The following NTN1 variants were observed in gnomAD, a reference collection of about 807,000 sequenced individuals.
NTN1 encodes netrin-1.
Under a neutral mutation model 54.2 loss-of-function variants are expected in NTN1, and 11 were observed. The ratio of observed to expected loss-of-function variants is 0.20; its 90% CI spans 0.13 to 0.34. NTN1 has a LOEUF of 0.34. Ranked by LOEUF, NTN1 falls within the 10% of genes least tolerant of loss-of-function variation. NTN1 has a pLI of 1.00. For synonymous variants in NTN1, 371 were observed against 382.0 expected (o/e 0.97, Z 0.33); for missense variants, 740 against 893.1 (o/e 0.83, Z 2.18).
chr17:9,089,756 G>A (rs766240630), intron 2 of NTN1, among the ~76,000 whole-genome samples: 5 of 152,130 alleles, frequency 3.3e-5, no homozygotes, highest in Non-Finnish European at 5.9e-5. Context: ...AAAGCTTTTC[G>A]TTCGCAGCCG....
chr17:9,214,766 G>T (rs966770685), intron 5 of NTN1, among the ~76,000 whole-genome samples: 3 of 152,194 alleles, frequency 2.0e-5, no homozygotes, highest in African/African-American at 7.2e-5. Context: ...AGGCTGCAGT[G>T]AGCTGAGATC....
chr17:9,235,435 A>C (rs1199532928), intron 6 of NTN1, among the ~76,000 whole-genome samples: 2 of 151,310 alleles, frequency 1.3e-5, no homozygotes, highest in Non-Finnish European at 2.9e-5. Flanking sequence ...ACATCAATGC[A>C]GGGACAGTGG....
chr17:9,134,984 C>T (rs886904726), intron 2 of NTN1, among the ~76,000 whole-genome samples: 22 of 152,282 alleles, frequency 1.4e-4, no homozygotes, highest in African/African-American at 5.3e-4. Context: ...CCAGGGGGTG[C>T]TGCCTCCTGA....
chr17:9,202,803 AAC>A (rs1323891359), intron 5 of NTN1, among the ~76,000 whole-genome samples: 1 of 152,262 alleles, frequency 6.6e-6, no homozygotes, highest in African/African-American at 2.4e-5. Context: ...GTGCTGTCTG[AAC>A]AGTCATAGTT....
intron 2 of NTN1, among the ~76,000 whole-genome samples, chr17:9,028,383 C>T (rs2091878077): frequency 6.6e-6 from 1 of 152,108 alleles, no homozygotes; most frequent in South Asian, 2.1e-4. Flanking sequence ...CTCATTAGCA[C>T]CTGGTGATCA....
intron 2 of NTN1, among the ~76,000 whole-genome samples, chr17:9,074,999 G>T (rs1221775259): frequency 6.6e-6 from 1 of 152,232 alleles, no homozygotes; most frequent in Non-Finnish European, 1.5e-5. Flanking sequence ...ATGCTAGCTT[G>T]TTAGAAAGTC....
chr17:9,140,162 T>C (rs182868317), intron 2 of NTN1, among the ~76,000 whole-genome samples: 2,427 of 152,248 alleles, frequency 0.016, 69 homozygotes, highest in African/African-American at 0.054. Flanking sequence ...CACTCCTTGT[T>C]AGATTGTCTA....
chr17:9,214,706 C>G (rs1008690381), intron 5 of NTN1, among the ~76,000 whole-genome samples: 54 of 152,198 alleles, frequency 3.5e-4, no homozygotes, highest in Non-Finnish European at 7.3e-5. Context: ...CCTGTAGTCC[C>G]AGCTACTCAG....
intron 2 of NTN1, among the ~76,000 whole-genome samples, chr17:9,089,659 C>G (rs1275276916): frequency 6.6e-6 from 1 of 152,098 alleles, no homozygotes; most frequent in African/African-American, 2.4e-5. Context: ...CCCCTGCCTG[C>G]AAAAACCACC....
At chr17:9,126,692 A>G (rs922317637) in intron 2 of NTN1, among the ~76,000 whole-genome samples, 5 of 152,152 alleles carry the variant, frequency 3.3e-5, no homozygotes, top group African/African-American at 1.2e-4. Flanking sequence ...TTCAGCTCTG[A>G]TGATGGGTAG....
chr17:9,010,819 G>A, the NTN1 span, among the ~76,000 whole-genome samples: 3 of 152,128 alleles, frequency 2.0e-5, no homozygotes, highest in Non-Finnish European at 2.9e-5. Flanking sequence ...TTCCATGGGC[G>A]TGGGGGTAGG....
rs559694896 is a variant in NTN1, at chr17:9,081,023, A to C, written c.1018+57632A>C. On this transcript the variant is annotated intron_variant, in intron 2 of 6. Transcript: ENST00000173229. The stretch of plus-strand genomic sequence containing the variant: ...TGAACCTGAGGAGGGGCTCTAGGGA[A>C]CCTTGACTTATAGCTGGTTGGTCAG... 1.1e-3 allele frequency among the ~76,000 whole-genome samples: 168 copies of C among 152,270 alleles called. 1 individual carries two copies. The highest frequency in any genetic ancestry group is 2.1e-3 in the Non-Finnish European group (146 of 68,010).
chr17:9,005,289 A>T, the NTN1 span, among the ~76,000 whole-genome samples: 1 of 152,138 alleles, frequency 6.6e-6, no homozygotes, highest in Non-Finnish European at 1.5e-5. Flanking sequence ...GAGCCATTAT[A>T]CAGATAGTGA....
chr17:9,018,790 C>T (rs2091837311), upstream of NTN1, among the ~76,000 whole-genome samples: 1 of 152,076 alleles, frequency 6.6e-6, no homozygotes, highest in Non-Finnish European at 1.5e-5. Flanking sequence ...ATGTCTTTTC[C>T]TGACTTGGGT....
chr17:9,176,561 C>T (rs574026271), intron 3 of NTN1: 2 of 152,168 alleles, frequency 1.3e-5, no homozygotes, highest in African/African-American at 4.8e-5. Flanking sequence ...TCTGTCAACT[C>T]TCCCTACACC....
intron 5 of NTN1, among the ~76,000 whole-genome samples, chr17:9,203,255 G>C (rs1440791241): frequency 6.6e-6 from 1 of 152,084 alleles, no homozygotes; most frequent in Non-Finnish European, 1.5e-5. Flanking sequence ...TTTGCCCTCT[G>C]TTTGCCAGCT....
chr17:9,051,792 CCTGT>C (rs1349745541), intron 2 of NTN1, among the ~76,000 whole-genome samples: 4 of 152,092 alleles, frequency 2.6e-5, no homozygotes, highest in Admixed American at 2.0e-4. Context: ...ACTTGTTCAT[CCTGT>C]CTAACTGAGA....
intron 6 of NTN1, among the ~76,000 whole-genome samples, chr17:9,229,021 T>G (rs551219211): frequency 3.8e-5 from 2 of 52,484 alleles, no homozygotes; most frequent in South Asian, 1.2e-3. Flanking sequence ...TGTGACTGTG[T>G]GAGACTGTGT....
At chr17:9,234,707 G>A (rs1254322938) in intron 6 of NTN1, among the ~76,000 whole-genome samples, 6 of 152,210 alleles carry the variant, frequency 3.9e-5, no homozygotes, top group African/African-American at 1.2e-4. Flanking sequence ...AGCAAGGCTC[G>A]AGGAAGGGAG....
Sources: gnomAD v4.1 joint callset for allele counts (sites outside exome capture counted in the v4.1 genomes callset) on GRCh38, gnomAD v4.1.1 for gene constraint, MANE v1.5 for transcripts, NCBI Gene and HGNC (gene_info 2026-07-23, HGNC 2026-07-21) for gene names.